Variants in LANCL3 observed in about 807,000 individuals in gnomAD.
LANCL3 encodes the protein LanC like family member 3.
LANCL3 carries 19 observed loss-of-function variants against 26.5 expected under a neutral mutation model. The ratio of observed to expected loss-of-function variants is 0.72; its 90% CI spans 0.50 to 1.05. LANCL3 has a LOEUF of 1.05. LANCL3 is among the 50% of genes least tolerant of loss of function. LANCL3 has a pLI of 0.00. For missense variants in LANCL3, 318 were observed against 362.7 expected (o/e 0.88, Z 1.00); for synonymous variants, 160 against 166.6 (o/e 0.96, Z 0.30).
chrX:37,610,906 G>T, intron 1 of LANCL3, among the ~76,000 whole-genome samples: 1 of 111,994 alleles, frequency 8.9e-6, no homozygotes, highest in Non-Finnish European at 1.9e-5. Flanking sequence ...GGATTTGGGA[G>T]TAAGTAGTTT....
At chrX:37,633,045 T>G (rs1307577110) in intron 1 of LANCL3, among the ~76,000 whole-genome samples, 8 of 111,624 alleles carry the variant, frequency 7.2e-5, no homozygotes, top group Non-Finnish European at 1.1e-4. Flanking sequence ...ATCCTGCAGA[T>G]TGTTTTCCAA....
At chrX:37,581,924 C>A (rs782535325) in intron 1 of LANCL3, among the ~76,000 whole-genome samples, 1 of 109,939 alleles carries the variant, frequency 9.1e-6, no homozygotes, top group Non-Finnish European at 1.9e-5. Flanking sequence ...AATGCTATCC[C>A]TCCCCCGTCC....
intron 1 of LANCL3, among the ~76,000 whole-genome samples, chrX:37,591,066 G>A (rs1345919683): frequency 8.9e-6 from 1 of 112,064 alleles, no homozygotes; most frequent in African/African-American, 3.2e-5. Context: ...CAAAAGATAA[G>A]ACTTACTGTG....
intron 1 of LANCL3, among the ~76,000 whole-genome samples, chrX:37,620,977 A>G (rs3117498): frequency 0.29 from 32,425 of 110,124 alleles, 4,498 homozygotes; most frequent in African/African-American, 0.55. Context: ...TGGCCTGAAG[A>G]GCTGGAGAAG....
chrX:37,629,566 G>T (rs1925420545), intron 1 of LANCL3, among the ~76,000 whole-genome samples: 1 of 101,374 alleles, frequency 9.9e-6, no homozygotes, highest in African/African-American at 3.8e-5. Flanking sequence ...TTCTTCTAGG[G>T]TTTTTATGGT....
intron 4 of LANCL3, chrX:37,668,252 C>A: frequency 7.8e-6 from 1 of 128,907 alleles, no homozygotes; most frequent in Non-Finnish European, 1.4e-5. Context: ...AATGAAATTG[C>A]TGGACTATAT....
chrX:37,631,095 T>C (rs1303744332), intron 1 of LANCL3, among the ~76,000 whole-genome samples: 4 of 112,059 alleles, frequency 3.6e-5, no homozygotes, highest in Admixed American at 2.8e-4. Context: ...CTCTTTTTCG[T>C]TGGTAAGCTA....
rs1414851144 is a variant in LANCL3, at chrX:37,676,899, T to C, written c.*1086T>C. 8.9e-6 allele frequency: 1 copy of C among 111,927 alleles called. No homozygotes were observed. The highest frequency in any genetic ancestry group is 1.9e-5 in the Non-Finnish European group (1 of 53,111). The allele number at this position is 111,927 out of a possible 1,213,427, so 9.2% of individuals were successfully genotyped here. ...CACTAGAAATTGGCTGTAATACTCA[T>C]TGAGCCAAGTTGTCATATCAAATTC... On this transcript the variant is annotated 3_prime_UTR_variant, in exon 5 of 5. Coordinates refer to ENST00000378619, the MANE Select transcript of LANCL3 (RefSeq NM_001170331.2).
chrX:37,588,387 C>T (rs1359047990), intron 1 of LANCL3, among the ~76,000 whole-genome samples: 2 of 111,208 alleles, frequency 1.8e-5, no homozygotes, highest in African/African-American at 3.3e-5. Flanking sequence ...CAGTCAAGTA[C>T]CATGTCTTGA....
chrX:37,659,353 C>A, intron 2 of LANCL3, 109 bp from the exon 3 acceptor site: 1 of 581,409 alleles, frequency 1.7e-6, no homozygotes, highest in Non-Finnish European at 2.7e-6. Context: ...GCTATATGAG[C>A]TTTCAAGTAA....
intron 1 of LANCL3, among the ~76,000 whole-genome samples, chrX:37,584,720 G>A (rs112307473): frequency 0.043 from 4,800 of 110,515 alleles, 234 homozygotes; most frequent in African/African-American, 0.15. Flanking sequence ...TCTTGCTAGC[G>A]GTCTATCAAT....
At chrX:37,583,738 A>C (rs1362926240) in intron 1 of LANCL3, among the ~76,000 whole-genome samples, 29 of 112,259 alleles carry the variant, frequency 2.6e-4, no homozygotes, top group African/African-American at 9.1e-4. Flanking sequence ...GGGGTTTTCT[A>C]GATATACAAT....
intron 4 of LANCL3, among the ~76,000 whole-genome samples, chrX:37,673,614 AAAT>A (rs1926732840): frequency 8.9e-6 from 1 of 111,858 alleles, no homozygotes; most frequent in African/African-American, 3.2e-5. Context: ...CATTTTTCAC[AAAT>A]AATAACACAA....
intron 1 of LANCL3, among the ~76,000 whole-genome samples, chrX:37,652,728 A>G (rs1556429546): frequency 9.0e-6 from 1 of 111,314 alleles, no homozygotes; most frequent in Non-Finnish European, 1.9e-5. Context: ...CATTCCCAGG[A>G]TCTCAGAGTG....
chrX:37,571,664 C>A lies in LANCL3; in HGVS notation c.-207C>A. ...ATCCCCCGCGATCGCCCGGGCCACT[C>A]GGGAGCCTCGCGGCAGCCCGGCGCC... On this transcript the variant is annotated 5_prime_UTR_variant, in exon 1 of 5. Transcript: ENST00000378619. The A allele has an allele frequency of 5.3e-6, 2 of 375,438 alleles. No individual in the cohort carries two copies. Among genetic ancestry groups the A allele is most frequent in the Non-Finnish European group, 8.9e-6 (2 of 225,935 alleles). 30.9% of individuals were successfully genotyped at this position (375,438 alleles called of 1,213,427 possible).
intron 1 of LANCL3, among the ~76,000 whole-genome samples, chrX:37,615,832 C>T (rs1321103494): frequency 8.9e-6 from 1 of 111,830 alleles, no homozygotes; most frequent in Non-Finnish European, 1.9e-5. Flanking sequence ...TAGCACAGAA[C>T]TGGAATCCTG....
intron 1 of LANCL3, among the ~76,000 whole-genome samples, chrX:37,604,104 T>G (rs1161433519): frequency 8.9e-6 from 1 of 112,752 alleles, no homozygotes; most frequent in Non-Finnish European, 1.9e-5. Context: ...TGTGAGAATC[T>G]GCCCTTTGTT....
At chrX:37,634,051 G>T (rs1416520794) in intron 1 of LANCL3, among the ~76,000 whole-genome samples, 1 of 112,688 alleles carries the variant, frequency 8.9e-6, no homozygotes, top group African/African-American at 3.2e-5. Flanking sequence ...GCCTACAGAG[G>T]CAGGCAGGCC....
intron 1 of LANCL3, among the ~76,000 whole-genome samples, chrX:37,633,668 G>A (rs1330250398): frequency 1.8e-5 from 2 of 111,770 alleles, no homozygotes; most frequent in Admixed American, 9.5e-5. Context: ...TCAGCTGCAG[G>A]TCTGTTGGAG....
Sources: allele counts gnomAD v4.1 joint callset (sites outside exome capture counted in the v4.1 genomes callset), GRCh38; gene constraint gnomAD v4.1.1; transcripts MANE v1.5; gene names NCBI Gene and HGNC (gene_info 2026-07-23, HGNC 2026-07-21).